NIPA2: variants seen among roughly 807,000 people sequenced by gnomAD.
NIPA2 encodes the protein magnesium transporter NIPA2.
In NIPA2, 11 loss-of-function variants were observed where a neutral mutation model predicts 29.7. The ratio of observed to expected loss-of-function variants is 0.37; its 90% CI spans 0.23 to 0.61. NIPA2 has a LOEUF of 0.61. Among genes scored for constraint, NIPA2 ranks in the 20% least tolerant of loss-of-function variants. The probability of loss-of-function intolerance (pLI) is 0.66; values close to 1 mark genes in which losing one functional copy is unlikely to be tolerated. For missense variants in NIPA2, 426 were observed against 437.9 expected (o/e 0.97, Z 0.24); for synonymous variants, 183 against 161.9 (o/e 1.13, Z -0.99).
At chr15:22,848,820 T>A (rs766247341) in intron 3 of NIPA2, among the ~76,000 whole-genome samples, 2 of 65,832 alleles carry the variant, frequency 3.0e-5, no homozygotes, top group South Asian at 5.6e-4. Flanking sequence ...GCAAGACTCT[T>A]GTCTCAAAAA....
In NIPA2 at chr15:22,867,390, CAAA is replaced by C; in HGVS notation, c.*549_*551del. ...ATGAAGGAACCTCTTTCTTACAAAA[CAAA>C]AAAAAGGGCAGAAATCACCCCAAGG... On this transcript the variant is annotated 3_prime_UTR_variant, in exon 8 of 8. Coordinates refer to ENST00000337451, the MANE Select transcript of NIPA2 (RefSeq NM_030922.7). 2.6e-6 allele frequency: 1 copy of C among 386,558 alleles called. No homozygotes were observed. Among genetic ancestry groups the C allele is most frequent in the Non-Finnish European group, 4.6e-6 (1 of 219,492 alleles). The allele number at this position is 386,558 out of a possible 1,614,324, so 23.9% of individuals were successfully genotyped here.
intron 7 of NIPA2, among the ~76,000 whole-genome samples, chr15:22,864,986 C>G (rs959549503): frequency 6.6e-6 from 1 of 151,966 alleles, no homozygotes; most frequent in East Asian, 2.0e-4. Flanking sequence ...TTCAGCCTCC[C>G]AAGTAGCTGG....
intron 5 of NIPA2, among the ~76,000 whole-genome samples, chr15:22,858,211 G>C (rs2058345849): frequency 6.6e-6 from 1 of 152,050 alleles, no homozygotes; most frequent in Admixed American, 6.6e-5. Context: ...GGCTAACACG[G>C]TGAAACTCCG....
intron 7 of NIPA2, among the ~76,000 whole-genome samples, chr15:22,863,422 C>T (rs560646299): frequency 6.6e-6 from 1 of 152,242 alleles, no homozygotes; most frequent in South Asian, 2.1e-4. Context: ...CTTTGGCTCT[C>T]AACTGATAGC....
At chr15:22,844,892 A>G (rs1358153372) in intron 2 of NIPA2, among the ~76,000 whole-genome samples, 1 of 152,178 alleles carries the variant, frequency 6.6e-6, no homozygotes, top group African/African-American at 2.4e-5. Flanking sequence ...TTAGTCGTGG[A>G]GTCCTTGAGG....
At chr15:22,848,295 A>T in intron 3 of NIPA2, among the ~76,000 whole-genome samples, 1 of 152,068 alleles carries the variant, frequency 6.6e-6, no homozygotes, top group East Asian at 1.9e-4. Context: ...AGCATATTGG[A>T]TAAATGATTA....
intron 2 of NIPA2, 140 bp from the exon 3 acceptor site, chr15:22,845,006 A>C (rs1898216831): frequency 6.6e-6 from 1 of 152,182 alleles, no homozygotes; most frequent in Non-Finnish European, 1.5e-5. Context: ...GAGTCCCCCT[A>C]AGTAAACTGG....
At chr15:22,843,340 C>G (rs1238293203) in intron 2 of NIPA2, among the ~76,000 whole-genome samples, 2 of 151,502 alleles carry the variant, frequency 1.3e-5, no homozygotes, top group South Asian at 2.1e-4. Flanking sequence ...CCCGTCTCTA[C>G]TAAAAATACA....
At chr15:22,853,694 G>T (rs2057955241) in intron 5 of NIPA2, among the ~76,000 whole-genome samples, 2 of 151,176 alleles carry the variant, frequency 1.3e-5, no homozygotes, top group Admixed American at 1.3e-4. Context: ...TCATTTTTGT[G>T]AGTACTTAGT....
At chr15:22,855,785 A>C (rs1479904109) in intron 5 of NIPA2, among the ~76,000 whole-genome samples, 1 of 152,160 alleles carries the variant, frequency 6.6e-6, no homozygotes, top group South Asian at 2.1e-4. Flanking sequence ...TGATCTGCCC[A>C]TATGATATTT....
At chr15:22,856,545 GAAGA>G (rs1210412788) in intron 5 of NIPA2, among the ~76,000 whole-genome samples, 4 of 151,890 alleles carry the variant, frequency 2.6e-5, no homozygotes, top group Admixed American at 6.5e-5. Context: ...GGGAATTAAA[GAAGA>G]AAGAGTTTAA....
At chr15:22,841,166 GTAAC>G (rs1896990620) in intron 2 of NIPA2, among the ~76,000 whole-genome samples, 1 of 152,060 alleles carries the variant, frequency 6.6e-6, no homozygotes, top group Admixed American at 6.6e-5. Flanking sequence ...TCATAAAAAA[GTAAC>G]TACATGAGAT....
chr15:22,867,915 T>C lies in NIPA2; in HGVS notation c.*1068T>C, dbSNP rs768479847. On this transcript the variant is annotated 3_prime_UTR_variant, in exon 8 of 8. Coordinates refer to ENST00000337451, the MANE Select transcript of NIPA2 (RefSeq NM_030922.7). The stretch of plus-strand genomic sequence containing the variant: ...AGAAAAGGTAGAATAATAAAAAAGG[T>C]CTAATGAACTCCATTCAGCTTTGAA... 7.2e-5 allele frequency: 11 copies of C among 152,170 alleles called. No individual in the cohort carries two copies. The highest frequency in any genetic ancestry group is 1.5e-4 in the Non-Finnish European group (10 of 68,032). The allele number at this position is 152,170 out of a possible 1,614,324, so 9.4% of individuals were successfully genotyped here.
chr15:22,845,181 A>C lies in NIPA2; in HGVS notation c.-180A>C, dbSNP rs548265889. On this transcript the variant is annotated 5_prime_UTR_variant, in exon 3 of 8. Transcript: ENST00000337451. Reference sequence around the variant, plus strand: ...CTGTGATAGACCTTCAGTTACAGAGAGAGGGAGCAGAGTGGGACCAGGTCT... The same window carrying C: ...CTGTGATAGACCTTCAGTTACAGAGCGAGGGAGCAGAGTGGGACCAGGTCT... 5.9e-5 allele frequency: 9 copies of C among 152,176 alleles called. No individual in the cohort carries two copies. The highest frequency in any genetic ancestry group is 8.8e-5 in the Non-Finnish European group (6 of 68,038). The allele number at this position is 152,176 out of a possible 1,614,324, so 9.4% of individuals were successfully genotyped here.
chr15:22,865,151 C>T lies in NIPA2; in HGVS notation c.449-1062C>T, dbSNP rs535646216. On this transcript the variant is annotated intron_variant, in intron 7 of 7. Coordinates refer to ENST00000337451, the MANE Select transcript of NIPA2 (RefSeq NM_030922.7). The stretch of plus-strand genomic sequence containing the variant: ...CTGGGATTACAGGCGTGAGCCACCA[C>T]ACCTGGCTTCTTGTTCTTAATTTTG... Among the ~76,000 whole-genome samples the T allele has an allele frequency of 3.6e-4, 54 of 151,946 alleles. 2 individuals are homozygous for T. In the South Asian group the frequency reaches 9.3e-3, roughly 26 times the overall value.
intron 7 of NIPA2, among the ~76,000 whole-genome samples, chr15:22,864,334 T>G (rs537923719): frequency 5.8e-4 from 89 of 152,244 alleles, no homozygotes; most frequent in Admixed American, 1.3e-3. Context: ...TTTTGTATTT[T>G]TAGTAGAGAC....
intron 3 of NIPA2, among the ~76,000 whole-genome samples, chr15:22,849,687 G>A (rs1332667925): frequency 6.6e-6 from 1 of 151,832 alleles, no homozygotes; most frequent in African/African-American, 2.4e-5. Context: ...AGCCTCCCAA[G>A]TAGCTGGAAC....
At chr15:22,840,597 A>C (rs1896817451) in intron 2 of NIPA2, among the ~76,000 whole-genome samples, 1 of 151,948 alleles carries the variant, frequency 6.6e-6, no homozygotes, top group Admixed American at 6.6e-5. Flanking sequence ...ACCGCGCCCG[A>C]CCTAAGAGCT....
chr15:22,844,678 C>T (rs1187879136), intron 2 of NIPA2, among the ~76,000 whole-genome samples: 1 of 152,088 alleles, frequency 6.6e-6, no homozygotes, highest in Non-Finnish European at 1.5e-5. Flanking sequence ...CACTGCAACC[C>T]AGGCATTTGA....
Sources: gnomAD v4.1 joint callset for allele counts (sites outside exome capture counted in the v4.1 genomes callset) on GRCh38, gnomAD v4.1.1 for gene constraint, MANE v1.5 for transcripts, NCBI Gene and HGNC (gene_info 2026-07-23, HGNC 2026-07-21) for gene names.